SNX13: variants seen among roughly 807,000 people sequenced by gnomAD.
SNX13 encodes the protein sorting nexin 13.
In SNX13, 45 loss-of-function variants were observed where a neutral mutation model predicts 133.6. The ratio of observed to expected loss-of-function variants is 0.34; its 90% CI spans 0.27 to 0.43. The LOEUF (loss-of-function observed/expected upper bound fraction) is 0.43. Among genes scored for constraint, SNX13 ranks in the 20% least tolerant of loss-of-function variants. The pLI is 1.00. For synonymous variants in SNX13, 414 were observed against 373.9 expected (o/e 1.11, Z -1.24); for missense variants, 1,032 against 1,145.1 (o/e 0.90, Z 1.43).
At chr7:17,799,818 A>C (rs756669380) in intron 22 of SNX13, among the ~76,000 whole-genome samples, 11 of 151,812 alleles carry the variant, frequency 7.2e-5, no homozygotes, top group Non-Finnish European at 1.6e-4. Flanking sequence ...GCTTTGATGC[A>C]AAAAAATACG....
rs190178279 is a variant in SNX13, at chr7:17,818,596, C to A, written c.1846-2307G>T. Among the ~76,000 whole-genome samples the A allele has an allele frequency of 2.0e-3, 298 of 152,162 alleles. 1 individual carries two copies. Among genetic ancestry groups the A allele is most frequent in the African/African-American group, 6.8e-3 (283 of 41,534 alleles). On this transcript the variant is annotated intron_variant, in intron 18 of 25. Coordinates refer to ENST00000428135, the MANE Select transcript of SNX13 (RefSeq NM_015132.5). ...CCCATTCCCTGAAAAGTAATATAAT[C>A]CCCTCTGCCAAAAATTCATGAAAAT...
At chr7:17,843,300 AAT>A (rs1790120996) in intron 12 of SNX13, among the ~76,000 whole-genome samples, 1 of 152,108 alleles carries the variant, frequency 6.6e-6, no homozygotes, top group South Asian at 2.1e-4. Flanking sequence ...TATCAGCTGA[AAT>A]AGACTTTAAA....
intron 14 of SNX13, 32 bp from the exon 15 acceptor site, chr7:17,834,216 T>C: frequency 6.6e-7 from 1 of 1,525,348 alleles, no homozygotes; most frequent in Non-Finnish European, 8.9e-7. Context: ...ATTCAACAAT[T>C]AATACAGGTG....
At chr7:17,816,436 C>A in intron 18 of SNX13, 147 bp from the exon 19 acceptor site, 1 of 942,352 alleles carries the variant, frequency 1.1e-6, no homozygotes, top group Non-Finnish European at 1.5e-6. Context: ...CTGAGGCAGG[C>A]GGATCACCTG....
intron 15 of SNX13, chr7:17,831,074 C>G: frequency 1.0e-6 from 1 of 984,280 alleles, no homozygotes; most frequent in Non-Finnish European, 1.2e-6. Context: ...TGCCTCCTAC[C>G]TCTTCTGTAG....
intron 16 of SNX13, among the ~76,000 whole-genome samples, chr7:17,828,890 C>T (rs577027022): frequency 1.7e-4 from 26 of 151,522 alleles, no homozygotes; most frequent in Non-Finnish European, 2.7e-4. Context: ...GGAAGGGTTT[C>T]ATCACATTTG....
At chr7:17,910,212 C>A (rs547853221) in intron 1 of SNX13, among the ~76,000 whole-genome samples, 1 of 152,172 alleles carries the variant, frequency 6.6e-6, no homozygotes, top group Non-Finnish European at 1.5e-5. Flanking sequence ...CCTCCAAAAT[C>A]ATTCCCATAG....
At chr7:17,930,227 C>T (rs1801242744) in intron 1 of SNX13, among the ~76,000 whole-genome samples, 1 of 152,138 alleles carries the variant, frequency 6.6e-6, no homozygotes. Context: ...AGGTCAGTAC[C>T]ATTCATTTAT....
intron 9 of SNX13, among the ~76,000 whole-genome samples, chr7:17,858,323 CTGAG>C (rs1485114632): frequency 1.1e-4 from 16 of 152,120 alleles, no homozygotes; most frequent in African/African-American, 3.6e-4. Flanking sequence ...ACATATAATA[CTGAG>C]TATCATTTCC....
At chr7:17,878,859 G>GC (rs1795024929) in intron 5 of SNX13, among the ~76,000 whole-genome samples, 3 of 152,080 alleles carry the variant, frequency 2.0e-5, no homozygotes, top group Admixed American at 2.0e-4. Flanking sequence ...GTGCAAATAT[G>GC]CCCCTTTTAC....
intron 5 of SNX13, among the ~76,000 whole-genome samples, chr7:17,877,192 G>A (rs894930939): frequency 1.3e-5 from 2 of 151,560 alleles, no homozygotes; most frequent in Admixed American, 6.6e-5. Flanking sequence ...ATATGAACAC[G>A]AAAACAAATT....
chr7:17,802,831 T>A (rs959332465), intron 21 of SNX13, among the ~76,000 whole-genome samples: 4 of 152,140 alleles, frequency 2.6e-5, no homozygotes, highest in Non-Finnish European at 4.4e-5. Flanking sequence ...TTTTAAAATG[T>A]TAATTAGGAA....
At chr7:17,878,893 T>A (rs1034623417) in intron 5 of SNX13, among the ~76,000 whole-genome samples, 1 of 152,138 alleles carries the variant, frequency 6.6e-6, no homozygotes, top group African/African-American at 2.4e-5. Context: ...GGACAGACTA[T>A]TCCCTCTACC....
At chr7:17,909,173 G>A (rs1231284465) in intron 1 of SNX13, among the ~76,000 whole-genome samples, 1 of 152,118 alleles carries the variant, frequency 6.6e-6, no homozygotes, top group Non-Finnish European at 1.5e-5. Flanking sequence ...ACGCCAGTCA[G>A]AATGCCGATT....
At position 17,845,444 on chromosome 7, in the gene SNX13, G is replaced by C. The variant is rs190626459; in HGVS notation, c.1165+151C>G. 679 of 500,906 alleles carry C rather than the reference G, an allele frequency of 1.4e-3. 1 individual carries two copies. The Middle Eastern group carries it at 0.015, about 11-fold the overall frequency. 31.0% of individuals were successfully genotyped at this position (500,906 alleles called of 1,614,324 possible). A position where few individuals can be genotyped will look rare whatever the true frequency, so the allele number is the denominator to read the frequency against. The stretch of plus-strand genomic sequence containing the variant: ...GTTTTGGAAGATAAAAACAGTTCTG[G>C]AGACTCTGTACAACATCATGAATAC... On this transcript the variant is annotated intron_variant, in intron 12 of 25. Coordinates refer to ENST00000428135, the MANE Select transcript of SNX13 (RefSeq NM_015132.5).
At chr7:17,896,338 G>T (rs949351854) in intron 2 of SNX13, among the ~76,000 whole-genome samples, 1 of 152,084 alleles carries the variant, frequency 6.6e-6, no homozygotes. Context: ...TGACATAGCT[G>T]CTCAATTAAA....
intron 5 of SNX13, chr7:17,881,645 T>A (rs1220430434): frequency 6.6e-6 from 1 of 152,122 alleles, no homozygotes; most frequent in Non-Finnish European, 1.5e-5. Flanking sequence ...GAGTGGCTTA[T>A]CTGTGAAAGA....
intron 18 of SNX13, among the ~76,000 whole-genome samples, chr7:17,817,383 G>C (rs1464017627): frequency 6.6e-6 from 1 of 152,126 alleles, no homozygotes; most frequent in Non-Finnish European, 1.5e-5. Flanking sequence ...ATATCCTAAA[G>C]CGAAACAAAC....
intron 1 of SNX13, among the ~76,000 whole-genome samples, chr7:17,926,155 C>G (rs1018379566): frequency 2.6e-5 from 4 of 151,926 alleles, no homozygotes; most frequent in African/African-American, 9.7e-5. Flanking sequence ...AAGATAAATA[C>G]GAAGAAAGTA....
Sources: gnomAD v4.1 joint callset for allele counts (sites outside exome capture counted in the v4.1 genomes callset) on GRCh38, gnomAD v4.1.1 for gene constraint, MANE v1.5 for transcripts, NCBI Gene and HGNC (gene_info 2026-07-23, HGNC 2026-07-21) for gene names.